APCDD1L: variants seen among roughly 807,000 people sequenced by gnomAD.
The protein encoded by APCDD1L is protein APCDD1-like.
APCDD1L carries 21 observed loss-of-function variants against 24.2 expected under a neutral mutation model. That is an observed-to-expected ratio of 0.87 (90% CI 0.61 to 1.25). The LOEUF (loss-of-function observed/expected upper bound fraction) is 1.25. APCDD1L is among the 50% of genes most tolerant of loss of function. The pLI is 0.00. For missense variants in APCDD1L, 704 were observed against 711.7 expected (o/e 0.99, Z 0.12); for synonymous variants, 321 against 323.6 (o/e 0.99, Z 0.09).
intron 1 of APCDD1L, among the ~76,000 whole-genome samples, chr20:58,482,841 C>T (rs79637307): frequency 0.037 from 5,594 of 152,228 alleles, 332 homozygotes; most frequent in African/African-American, 0.13. Context: ...AAACCGGGTC[C>T]GGTAACTGTA....
Position 58,460,715 on chromosome 20 carries a change from C to T in APCDD1L, c.*75G>A, listed in dbSNP as rs1169566327. 1.4e-6 allele frequency: 2 copies of T among 1,457,722 alleles called. No homozygotes were observed. The highest frequency in any genetic ancestry group is 2.8e-5 in the African/African-American group (2 of 70,520). The allele number at this position is 1,457,722 out of a possible 1,614,324, so 90.3% of individuals were successfully genotyped here. ...ACAGAGCAGAGGAGAATGGTTCCTT[C>T]CCTACAGCTGCCAGGAGGGAGTCTG... On this transcript the variant is annotated 3_prime_UTR_variant, in exon 4 of 4. Transcript: ENST00000371149. The surrounding 1 kb of genome is among the most constrained non-coding windows in gnomAD (Gnocchi z 4.2).
At chr20:58,500,271 A>T (rs927911296) in intron 1 of APCDD1L, among the ~76,000 whole-genome samples, 2 of 152,154 alleles carry the variant, frequency 1.3e-5, no homozygotes, top group Non-Finnish European at 2.9e-5. Flanking sequence ...TCTTTCTACT[A>T]CGTTCTCTTT....
At chr20:58,502,244 G>T (rs1360630304) in intron 1 of APCDD1L, among the ~76,000 whole-genome samples, 1 of 152,130 alleles carries the variant, frequency 6.6e-6, no homozygotes, top group Non-Finnish European at 1.5e-5. Context: ...AGGATTACAG[G>T]TGCCCACCAC....
rs190604653 is a variant in APCDD1L, at chr20:58,493,287, T to C, written c.49+21372A>G. Among the ~76,000 whole-genome samples the C allele has an allele frequency of 6.6e-5, 10 of 152,382 alleles. No homozygotes were observed. In the East Asian group the frequency reaches 1.7e-3, roughly 26 times the overall value. ...TCCACTCCCAAGTATTCTCTTCTCT[T>C]TCATTAAGAAAAGACACTGGTTGGG... On this transcript the variant is annotated intron_variant, in intron 1 of 3. Transcript: ENST00000371149.
chr20:58,494,274 T>C lies in APCDD1L; in HGVS notation c.49+20385A>G, dbSNP rs553160576. Among the ~76,000 whole-genome samples, 20 of 132,154 alleles carry C rather than the reference T, an allele frequency of 1.5e-4. No individual in the cohort carries two copies. The South Asian group carries it at 5.9e-3, about 39-fold the overall frequency. The allele number at this position is 132,154 out of a possible 152,430, so 86.7% of individuals were successfully genotyped here. A position where few individuals can be genotyped will look rare whatever the true frequency, so the allele number is the denominator to read the frequency against. Reference sequence around the variant, plus strand: ...GGTCAACTGCATTTCTTTTTTCTTTTCTTTTCTTTTCTTACTTTTCTTTTC... The same window carrying C: ...GGTCAACTGCATTTCTTTTTTCTTTCCTTTTCTTTTCTTACTTTTCTTTTC... On this transcript the variant is annotated intron_variant, in intron 1 of 3. Transcript: ENST00000371149. The surrounding 1 kb of genome is among the most constrained non-coding windows in gnomAD (Gnocchi z 4.8).
At chr20:58,487,421 AAAC>A (rs1475001411) in intron 1 of APCDD1L, among the ~76,000 whole-genome samples, 2 of 151,820 alleles carry the variant, frequency 1.3e-5, no homozygotes, top group Non-Finnish European at 1.5e-5. Flanking sequence ...AAAAAAAAAA[AAAC>A]AAGAAAGGAG....
rs758946812 is a variant in APCDD1L at position 58,494,621 on chromosome 20, G to C, written c.49+20038C>G. Among the ~76,000 whole-genome samples the C allele has an allele frequency of 6.6e-5, 10 of 152,110 alleles. No homozygotes were observed. Among genetic ancestry groups the C allele is most frequent in the Non-Finnish European group, 1.5e-4 (10 of 68,028 alleles). ...CCCAAAGCGTTGGGATTATAGGTGTGAGCCACTGTGCCTGGCTGTCAACTG... is the reference window on the plus strand; with the variant it reads ...CCCAAAGCGTTGGGATTATAGGTGTCAGCCACTGTGCCTGGCTGTCAACTG... On this transcript the variant is annotated intron_variant, in intron 1 of 3. Coordinates refer to ENST00000371149, the MANE Select transcript of APCDD1L (RefSeq NM_153360.3). The surrounding 1 kb of genome is among the most constrained non-coding windows in gnomAD (Gnocchi z 4.8).
chr20:58,491,006 A>T (rs1162199171), intron 1 of APCDD1L, among the ~76,000 whole-genome samples: 1 of 152,266 alleles, frequency 6.6e-6, no homozygotes, highest in Non-Finnish European at 1.5e-5. Context: ...TCTTTGCCAC[A>T]TTCACAGATT....
chr20:58,477,904 G>T (rs933935931), intron 1 of APCDD1L, among the ~76,000 whole-genome samples: 1 of 152,170 alleles, frequency 6.6e-6, no homozygotes, highest in African/African-American at 2.4e-5. Flanking sequence ...TCAGGCATGA[G>T]CCACTATGCC....
In APCDD1L at chr20:58,467,669, G is replaced by A; in HGVS notation, c.189-11C>T. 6.7e-7 allele frequency: 1 copy of A among 1,482,426 alleles called. No individual in the cohort carries two copies. The highest frequency in any genetic ancestry group is 1.4e-5 in the South Asian group (1 of 71,830). The allele number at this position is 1,482,426 out of a possible 1,614,324, so 91.8% of individuals were successfully genotyped here. On this transcript the variant is annotated splice_polypyrimidine_tract_variant and intron_variant, in intron 2 of 3. Coordinates refer to ENST00000371149, the MANE Select transcript of APCDD1L (RefSeq NM_153360.3). This position sits in a 1 kb window ranked among gnomAD's most constrained non-coding sequence, Gnocchi z 5.9. ...GGGCGCACCTCGCAGCTGCAGGGGTGGAAGGAGATGGGCTGGGTGCAGAGG... is the reference window on the plus strand; with the variant it reads ...GGGCGCACCTCGCAGCTGCAGGGGTAGAAGGAGATGGGCTGGGTGCAGAGG...
chr20:58,494,905 G>GC lies in APCDD1L; in HGVS notation c.49+19753dup, dbSNP rs1990291912. Among the ~76,000 whole-genome samples the GC allele has an allele frequency of 6.6e-6, 1 of 152,100 alleles. No homozygotes were observed. The highest frequency in any genetic ancestry group is 1.5e-5 in the Non-Finnish European group (1 of 68,038). Reference sequence around the variant, plus strand: ...TGTCTGCCAGGAATGCTCTTTTTGGGCCTTCTGGCTCATTCTCCTCCTTCA... The same window carrying GC: ...TGTCTGCCAGGAATGCTCTTTTTGGGCCCTTCTGGCTCATTCTCCTCCTTCA... On this transcript the variant is annotated intron_variant, in intron 1 of 3. Transcript: ENST00000371149. The surrounding 1 kb of genome is among the most constrained non-coding windows in gnomAD (Gnocchi z 4.8).
intron 1 of APCDD1L, among the ~76,000 whole-genome samples, chr20:58,498,186 C>A (rs1964300330): frequency 6.6e-6 from 1 of 152,100 alleles, no homozygotes; most frequent in Admixed American, 6.5e-5. Context: ...AGAGGCCTTA[C>A]AATACAAACC....
Position 58,514,913 on chromosome 20 carries a change from T to C in APCDD1L, c.-206A>G. The C allele has an allele frequency of 6.1e-6, 2 of 329,804 alleles. No homozygotes were observed. The highest frequency in any genetic ancestry group is 5.1e-6 in the Non-Finnish European group (1 of 195,830). The allele number at this position is 329,804 out of a possible 1,614,324, so 20.4% of individuals were successfully genotyped here. Reference sequence around the variant, plus strand: ...AGTTGTAAGCGGAGCTGCGCACTCATAGGTCCAACTTGCCAGAAGAGGTGG... The same window carrying C: ...AGTTGTAAGCGGAGCTGCGCACTCACAGGTCCAACTTGCCAGAAGAGGTGG... On this transcript the variant is annotated 5_prime_UTR_variant, in exon 1 of 4. The change abolishes an upstream ATG in the 5' untranslated region. Transcript: ENST00000371149.
At chr20:58,510,025 C>T (rs1345688544) in intron 1 of APCDD1L, among the ~76,000 whole-genome samples, 1 of 152,162 alleles carries the variant, frequency 6.6e-6, no homozygotes, top group African/African-American at 2.4e-5. Context: ...AGTCCTTCTG[C>T]CGGGAATTCT....
chr20:58,509,806 C>G (rs111308851), intron 1 of APCDD1L, among the ~76,000 whole-genome samples: 2 of 152,184 alleles, frequency 1.3e-5, no homozygotes, highest in Non-Finnish European at 2.9e-5. Flanking sequence ...CTCCAGTGAT[C>G]GGGAATTCAC....
intron 1 of APCDD1L, among the ~76,000 whole-genome samples, chr20:58,513,282 C>T (rs1295694468): frequency 2.6e-5 from 4 of 152,186 alleles, no homozygotes; most frequent in Non-Finnish European, 4.4e-5. Context: ...TTTGCATTTT[C>T]CTGCCCTTTC....
In APCDD1L at chr20:58,508,365, G is replaced by A. The variant is rs998633996; in HGVS notation, c.49+6294C>T. 3.9e-5 allele frequency among the ~76,000 whole-genome samples: 6 copies of A among 152,232 alleles called. No individual in the cohort carries two copies. Among genetic ancestry groups the A allele is most frequent in the African/African-American group, 1.4e-4 (6 of 41,464 alleles). On this transcript the variant is annotated intron_variant, in intron 1 of 3. Transcript: ENST00000371149. The surrounding 1 kb of genome is among the most constrained non-coding windows in gnomAD (Gnocchi z 4.0). Reference sequence around the variant, plus strand: ...ATGACTGTCACATGGGGATCAAGGAGCACAGGGAGGGGAGAGCACAGAGAG... The same window carrying A: ...ATGACTGTCACATGGGGATCAAGGAACACAGGGAGGGGAGAGCACAGAGAG...
chr20:58,491,871 A>C (rs2123170500), intron 1 of APCDD1L, among the ~76,000 whole-genome samples: 1 of 152,378 alleles, frequency 6.6e-6, no homozygotes, highest in Non-Finnish European at 1.5e-5. Flanking sequence ...TGAAAAGATA[A>C]ACAAATTGAC....
At position 58,467,099 on chromosome 20, in the gene APCDD1L, C is replaced by T. The variant is rs201189566; in HGVS notation, c.741+7G>A. The T allele has an allele frequency of 2.1e-5, 34 of 1,596,968 alleles. No individual in the cohort carries two copies. The East Asian group carries it at 4.6e-4, about 22-fold the overall frequency. On this transcript the variant is annotated splice_region_variant and intron_variant, in intron 3 of 3. Transcript: ENST00000371149. The surrounding 1 kb of genome is among the most constrained non-coding windows in gnomAD (Gnocchi z 5.9). Reference sequence around the variant, plus strand: ...CCCCTCTCCCACACCCCAACACACACACTCACCAGTGCGCTCTGCAGCGGG... The same window carrying T: ...CCCCTCTCCCACACCCCAACACACATACTCACCAGTGCGCTCTGCAGCGGG...
Sources: gnomAD v4.1 joint callset for allele counts (sites outside exome capture counted in the v4.1 genomes callset) on GRCh38, gnomAD v4.1.1 for gene constraint, Gnocchi (gnomAD v3.1) non-coding constraint, MANE v1.5 for transcripts, NCBI Gene and HGNC (gene_info 2026-07-23, HGNC 2026-07-21) for gene names.